The following TPD52 variants were observed in gnomAD, a reference collection of about 807,000 sequenced individuals.
TPD52 encodes prostate and colon associated protein.
A neutral mutation model predicts 31.3 loss-of-function variants in TPD52; 17 were observed. The observed-to-expected ratio is 0.54, with a 90% CI of 0.37 to 0.82. TPD52 has a LOEUF of 0.82. Ranked by LOEUF, TPD52 falls within the 40% of genes least tolerant of loss-of-function variation. The probability of loss-of-function intolerance (pLI) is 0.00; values close to 1 mark genes in which losing one functional copy is unlikely to be tolerated. For synonymous variants in TPD52, 83 were observed against 89.6 expected (o/e 0.93, Z 0.42); for missense variants, 212 against 240.1 (o/e 0.88, Z 0.77).
At chr8:80,034,015 C>T (rs1809762049), downstream of TPD52, among the ~76,000 whole-genome samples, 1 of 152,096 alleles carries the variant, frequency 6.6e-6, no homozygotes, top group East Asian at 1.9e-4. Flanking sequence ...TGCCTCCTGC[C>T]ACCATCAACA....
chr8:80,039,246 A>G (rs1810149670), intron 7 of TPD52, among the ~76,000 whole-genome samples: 2 of 152,214 alleles, frequency 1.3e-5, no homozygotes, highest in Non-Finnish European at 2.9e-5. Context: ...TAATTATAGT[A>G]TCAAATCTCC....
chr8:80,094,129 C>T (rs569834929), intron 1 of TPD52, among the ~76,000 whole-genome samples: 1 of 151,964 alleles, frequency 6.6e-6, no homozygotes, highest in African/African-American at 2.4e-5. Flanking sequence ...TTCCAGGAAG[C>T]TCTCTCAGTG....
intron 5 of TPD52, 146 bp downstream of exon 5, chr8:80,050,299 G>GAATGC (rs1811231940): frequency 1.7e-6 from 1 of 604,398 alleles, no homozygotes; most frequent in Non-Finnish European, 2.7e-6. Context: ...TTGAAATTAG[G>GAATGC]AATGCACTAG....
At chr8:80,076,039 C>G (rs1270531322) in intron 1 of TPD52, among the ~76,000 whole-genome samples, 3 of 152,206 alleles carry the variant, frequency 2.0e-5, no homozygotes, top group African/African-American at 7.2e-5. Flanking sequence ...ACTAAAATGT[C>G]AGATTTTTCC....
chr8:80,099,143 C>T (rs182391593), intron 1 of TPD52, among the ~76,000 whole-genome samples: 2 of 152,084 alleles, frequency 1.3e-5, no homozygotes, highest in South Asian at 2.1e-4. Flanking sequence ...CACTGGGAAA[C>T]CAAAAAATGT....
At chr8:80,101,448 C>CAAAAAAAAAAA (rs113660828) in intron 1 of TPD52, among the ~76,000 whole-genome samples, 10 of 114,726 alleles carry the variant, frequency 8.7e-5, no homozygotes, top group African/African-American at 2.6e-4. Flanking sequence ...ACTCCCAGCT[C>CAAAAAAAAAAA]AAAAAAAAAA....
chr8:80,163,476 A>G (rs957588937), intron 1 of TPD52, among the ~76,000 whole-genome samples: 1 of 152,178 alleles, frequency 6.6e-6, no homozygotes, highest in Non-Finnish European at 1.5e-5. Flanking sequence ...GGAATGGGGA[A>G]GTTGGGAAGC....
At chr8:80,167,014 T>G (rs1458505700) in intron 1 of TPD52, among the ~76,000 whole-genome samples, 11 of 152,354 alleles carry the variant, frequency 7.2e-5, no homozygotes, top group African/African-American at 1.4e-4. Context: ...ATGGGTAATT[T>G]TCTTTTTTCT....
At chr8:80,080,433 G>C (rs1815137919) in intron 1 of TPD52, 2 of 1,614,020 alleles carry the variant, frequency 1.2e-6, no homozygotes, top group Non-Finnish European at 1.7e-6. Context: ...CCTCATATAA[G>C]TCCATCTCTC....
intron 1 of TPD52, among the ~76,000 whole-genome samples, chr8:80,085,365 T>TA (rs145526837): frequency 0.023 from 3,575 of 152,340 alleles, 142 homozygotes; most frequent in African/African-American, 0.081. Context: ...GTCTGCCTGT[T>TA]AACTCATCAC....
chr8:80,073,223 A>G (rs1367393553), intron 1 of TPD52, among the ~76,000 whole-genome samples: 5 of 152,232 alleles, frequency 3.3e-5, no homozygotes, highest in African/African-American at 4.8e-5. Flanking sequence ...AGAATATACA[A>G]CAAAAATGTA....
chr8:80,085,141 G>C (rs1815640083), intron 1 of TPD52, among the ~76,000 whole-genome samples: 1 of 152,180 alleles, frequency 6.6e-6, no homozygotes, highest in Non-Finnish European at 1.5e-5. Flanking sequence ...CCAAAAGAAA[G>C]AAAATGGGCA....
chr8:80,084,823 T>G (rs1352028019), intron 1 of TPD52, among the ~76,000 whole-genome samples: 2 of 152,220 alleles, frequency 1.3e-5, no homozygotes, highest in Non-Finnish European at 2.9e-5. Flanking sequence ...TGTAAGTTCC[T>G]ACCCATTTAG....
At chr8:80,061,297 G>A (rs1279968739) in intron 2 of TPD52, among the ~76,000 whole-genome samples, 1 of 151,474 alleles carries the variant, frequency 6.6e-6, no homozygotes, top group Non-Finnish European at 1.5e-5. Flanking sequence ...CTGGGAGGTG[G>A]AGGTTGCAGT....
chr8:80,044,316 G>A (rs1057010543), intron 5 of TPD52, 108 bp from the exon 6 acceptor site: 5 of 843,194 alleles, frequency 5.9e-6, no homozygotes, highest in African/African-American at 1.9e-5. Context: ...TTCTCTTGGC[G>A]CCATGAAGAA....
chr8:80,113,268 GA>G (rs59954096), intron 1 of TPD52, among the ~76,000 whole-genome samples: 26,925 of 106,088 alleles, frequency 0.25, 4,146 homozygotes, highest in African/African-American at 0.47. Flanking sequence ...TTGTCAAAAA[GA>G]AAAAAAAAAA....
At chr8:80,152,729 C>T (rs934052069) in intron 1 of TPD52, among the ~76,000 whole-genome samples, 20 of 148,384 alleles carry the variant, frequency 1.3e-4, no homozygotes, top group Admixed American at 2.7e-4. Context: ...TTGTAGTAGC[C>T]GAGATTGCGC....
At chr8:80,150,900 G>C (rs571390483) in intron 1 of TPD52, among the ~76,000 whole-genome samples, 54 of 152,266 alleles carry the variant, frequency 3.5e-4, no homozygotes, top group African/African-American at 9.4e-4. Context: ...TAAGACTTTG[G>C]GGGACTGTTG....
chr8:80,033,316 G>GT (rs1809739706), downstream of TPD52: 1 of 140,610 alleles, frequency 7.1e-6, no homozygotes, highest in African/African-American at 2.7e-5. Flanking sequence ...GGGGAGGGGG[G>GT]TTGGGGGGGG....
Sources: gnomAD v4.1 joint callset for allele counts (sites outside exome capture counted in the v4.1 genomes callset) on GRCh38, gnomAD v4.1.1 for gene constraint, MANE v1.5 for transcripts, NCBI Gene and HGNC (gene_info 2026-07-23, HGNC 2026-07-21) for gene names.